The following LDLRAD1 variants were observed in gnomAD, a reference collection of about 807,000 sequenced individuals.
LDLRAD1 encodes low density lipoprotein receptor class A domain containing 1, also known as low-density lipoprotein receptor class A domain-containing protein 1.
In LDLRAD1, 17 loss-of-function variants were observed where a neutral mutation model predicts 24.8. The observed-to-expected ratio is 0.69, with a 90% confidence interval of 0.47 to 1.03. The LOEUF (loss-of-function observed/expected upper bound fraction) is 1.03, where lower values mean the gene tolerates loss of function less well. Among genes scored for constraint, LDLRAD1 ranks in the 50% least tolerant of loss-of-function variants. LDLRAD1 has a pLI of 0.00. For missense variants in LDLRAD1, 277 were observed against 271.0 expected (o/e 1.02, Z -0.16); for synonymous variants, 103 against 108.2 (o/e 0.95, Z 0.30).
rs1200969530 is a variant in LDLRAD1, at chr1:54,014,329, C to T, written c.109G>A (p.Ala37Thr). The change falls in exon 3 of 6, where the codon GCC becomes ACC. Residue 37 changes from alanine (A) to threonine (T), a missense_variant. By Grantham distance (58) the Ala-to-Thr change is moderately conservative. Transcript: ENST00000371360. ...AGCAGCAGAGAGGCAGAGAGGCAGG[C>T]CCCGCGACGTGAGCAGCAGAGGTGG... is the stretch of plus-strand genomic sequence containing the variant. ...GGHLCCSRRG[A>T]CLSASLLLLL... 3.9e-6 allele frequency: 6 copies of T among 1,549,174 alleles called. No individual in the cohort carries two copies. In the South Asian group the frequency reaches 6.0e-5, roughly 15 times the overall value.
At chr1:54,017,853 G>A (rs971665892) in intron 1 of LDLRAD1, among the ~76,000 whole-genome samples, 12 of 152,204 alleles carry the variant, frequency 7.9e-5, no homozygotes, top group African/African-American at 2.4e-4. Context: ...AGTGAGCCCC[G>A]GGGCAGGACG....
chr1:54,016,395 T>C (rs1248483627), intron 2 of LDLRAD1, among the ~76,000 whole-genome samples: 2 of 152,094 alleles, frequency 1.3e-5, no homozygotes, highest in Admixed American at 6.5e-5. Context: ...AAGCAGCTCC[T>C]CAAATATTTG....
At chr1:54,010,210 C>A in intron 5 of LDLRAD1, 72 bp downstream of exon 5, 1 of 1,565,058 alleles carries the variant, frequency 6.4e-7, no homozygotes, top group Non-Finnish European at 8.7e-7. Flanking sequence ...CCTAGAGATT[C>A]CCTGCTCACC....
Position 54,014,335 on chromosome 1 carries a change from G to C in LDLRAD1, c.103C>G (p.Arg35Gly). The change falls in exon 3 of 6, where the codon CGC becomes GGC. Residue 35 changes from arginine (R) to glycine (G), a missense_variant. Physicochemically the swap from Arg to Gly is moderately radical, Grantham distance 125 (BLOSUM62 -2). Transcript: ENST00000371360. ...AGAGAGGCAGAGAGGCAGGCCCCGC[G>C]ACGTGAGCAGCAGAGGTGGCCGCCG... is the stretch of plus-strand genomic sequence containing the variant. Reference protein sequence around the residue: ...AGGGHLCCSRRGACLSASLLL... With the variant: ...AGGGHLCCSRGGACLSASLLL... 6.5e-7 allele frequency: 1 copy of C among 1,548,444 alleles called. No individual in the cohort carries two copies. The highest frequency in any genetic ancestry group is 8.7e-7 in the Non-Finnish European group (1 of 1,146,282).
At chr1:54,016,308 C>CCAT (rs1656302185) in intron 2 of LDLRAD1, among the ~76,000 whole-genome samples, 1 of 152,102 alleles carries the variant, frequency 6.6e-6, no homozygotes, top group Admixed American at 6.6e-5. Flanking sequence ...GGCTCCTTGG[C>CCAT]CATCAGCAAA....
At chr1:54,011,562 C>G (rs1656050773) in intron 4 of LDLRAD1, among the ~76,000 whole-genome samples, 1 of 152,204 alleles carries the variant, frequency 6.6e-6, no homozygotes, top group South Asian at 2.1e-4. Flanking sequence ...CAGGCTCTCT[C>G]TCTCCTGTGG....
chr1:54,010,599 C>T (rs1656010245), intron 4 of LDLRAD1, among the ~76,000 whole-genome samples, 189 bp from the exon 5 acceptor site: 1 of 152,068 alleles, frequency 6.6e-6, no homozygotes, highest in Non-Finnish European at 1.5e-5. Flanking sequence ...AGCTCCGTTG[C>T]TGGACAGAGG....
intron 2 of LDLRAD1, among the ~76,000 whole-genome samples, chr1:54,016,468 C>T (rs1656310220): frequency 6.6e-6 from 1 of 152,172 alleles, no homozygotes; most frequent in African/African-American, 2.4e-5. Flanking sequence ...GGCTCCTGCC[C>T]AGGTGAAGCT....
At chr1:54,015,312 C>T (rs75427445) in intron 2 of LDLRAD1, among the ~76,000 whole-genome samples, 2 of 152,144 alleles carry the variant, frequency 1.3e-5, no homozygotes, top group African/African-American at 4.8e-5. Context: ...GAGCCTTATT[C>T]TAAGCACTAT....
In LDLRAD1 at chr1:54,007,834, A is replaced by G. The variant is rs1655879771; in HGVS notation, c.*1148T>C. ...GGAAAGCCTTCTGGGCTGGGGTGCCATAGGCTGTATTTGGGTTCCAGTTCC... is the reference window on the plus strand; with the variant it reads ...GGAAAGCCTTCTGGGCTGGGGTGCCGTAGGCTGTATTTGGGTTCCAGTTCC... On this transcript the variant is annotated 3_prime_UTR_variant, in exon 6 of 6. Coordinates refer to ENST00000371360, the MANE Select transcript of LDLRAD1 (RefSeq NM_001010978.4). The G allele has an allele frequency of 6.6e-6, 1 of 152,258 alleles. No homozygotes were observed. Among genetic ancestry groups the G allele is most frequent in the African/African-American group, 2.4e-5 (1 of 41,440 alleles). 9.4% of individuals were successfully genotyped at this position (152,258 alleles called of 1,614,324 possible).
Position 54,014,763 on chromosome 1 carries a change from A to G in LDLRAD1, c.74-399T>C, listed in dbSNP as rs775585216. On this transcript the variant is annotated intron_variant, in intron 2 of 5. Coordinates refer to ENST00000371360, the MANE Select transcript of LDLRAD1 (RefSeq NM_001010978.4). ...TTCAAAACAACCTTTTATTTTATCA[A>G]TGAGGAAACTAGGGCTCAGGAAGAA... Among the ~76,000 whole-genome samples the G allele has an allele frequency of 6.4e-4, 98 of 152,352 alleles. 1 individual carries two copies. Among genetic ancestry groups the G allele is most frequent in the Admixed American group, 4.5e-3 (69 of 15,312 alleles).
At position 54,017,372 on chromosome 1, in the gene LDLRAD1, T is replaced by C; in HGVS notation, c.73+4A>G. The C allele has an allele frequency of 1.3e-6, 2 of 1,598,470 alleles. No homozygotes were observed. Among genetic ancestry groups the C allele is most frequent in the Non-Finnish European group, 1.7e-6 (2 of 1,171,702 alleles). ...CACTGGCCCCAGGCCCTCCAGTTCTTTACCTTCCCCTCCAGGGTGGGCTTT... is the reference window on the plus strand; with the variant it reads ...CACTGGCCCCAGGCCCTCCAGTTCTCTACCTTCCCCTCCAGGGTGGGCTTT... On this transcript the variant is annotated splice_donor_region_variant and intron_variant, in intron 2 of 5. Coordinates refer to ENST00000371360, the MANE Select transcript of LDLRAD1 (RefSeq NM_001010978.4).
Position 54,008,868 on chromosome 1 carries a change from G to A in LDLRAD1, c.*114C>T, listed in dbSNP as rs1005414556. 2 of 957,942 alleles carry A rather than the reference G, an allele frequency of 2.1e-6. No individual in the cohort carries two copies. Among genetic ancestry groups the A allele is most frequent in the Non-Finnish European group, 1.6e-6 (1 of 628,706 alleles). The allele number at this position is 957,942 out of a possible 1,614,324, so 59.3% of individuals were successfully genotyped here. A position where few individuals can be genotyped will look rare whatever the true frequency, so the allele number is the denominator to read the frequency against. Reference sequence around the variant, plus strand: ...GAAAATTCCTATTCAGAAATGATGTGTAGATCCCATTTCAAAGGCTGCTTC... The same window carrying A: ...GAAAATTCCTATTCAGAAATGATGTATAGATCCCATTTCAAAGGCTGCTTC... On this transcript the variant is annotated 3_prime_UTR_variant, in exon 6 of 6. Coordinates refer to ENST00000371360, the MANE Select transcript of LDLRAD1 (RefSeq NM_001010978.4).
At chr1:54,014,563 G>A (rs1656217817) in intron 2 of LDLRAD1, among the ~76,000 whole-genome samples, 199 bp from the exon 3 acceptor site, 1 of 152,150 alleles carries the variant, frequency 6.6e-6, no homozygotes, top group East Asian at 1.9e-4. Flanking sequence ...CACCCCACTA[G>A]GTGCCACCCT....
At position 54,009,131 on chromosome 1, in the gene LDLRAD1, C is replaced by T. The variant is rs779443165; in HGVS notation, c.470-1G>A. On this transcript the variant is annotated splice_acceptor_variant, in intron 5 of 5. Coordinates refer to ENST00000371360, the MANE Select transcript of LDLRAD1 (RefSeq NM_001010978.4). LOFTEE classifies it high-confidence loss of function. ...GGGCCGCAGGGTGGGCACACAGTTACTGCAGAGACAAGAGCCAGCAGGAGA... is the reference window on the plus strand; with the variant it reads ...GGGCCGCAGGGTGGGCACACAGTTATTGCAGAGACAAGAGCCAGCAGGAGA... 5.6e-6 allele frequency: 9 copies of T among 1,613,542 alleles called. No homozygotes were observed. The highest frequency in any genetic ancestry group is 5.9e-6 in the Non-Finnish European group (7 of 1,179,906).
chr1:54,014,851 C>T (rs1375642467), intron 2 of LDLRAD1, among the ~76,000 whole-genome samples: 9 of 152,188 alleles, frequency 5.9e-5, no homozygotes, highest in African/African-American at 1.9e-4. Context: ...TGCCAAAACC[C>T]GTGCCCTTTC....
In LDLRAD1 at chr1:54,008,876, C is replaced by CGTATT; in HGVS notation, c.*105_*106insAATAC. On this transcript the variant is annotated 3_prime_UTR_variant, in exon 6 of 6. Transcript: ENST00000371360. ...CTATTCAGAAATGATGTGTAGATCC[C>CGTATT]ATTTCAAAGGCTGCTTCCTGCCCTT... 1 of 986,040 alleles carries CGTATT rather than the reference C, an allele frequency of 1.0e-6. No individual in the cohort carries two copies. The allele number at this position is 986,040 out of a possible 1,614,324, so 61.1% of individuals were successfully genotyped here.
At chr1:54,017,568 C>A in intron 1 of LDLRAD1, 141 bp from the exon 2 acceptor site, 5 of 700,080 alleles carry the variant, frequency 7.1e-6, no homozygotes, top group Non-Finnish European at 1.3e-5. Context: ...GCATCTCACG[C>A]CCCAGATGCA....
rs745672207 is a variant in LDLRAD1, at chr1:54,014,296, C to A, written c.142G>T (p.Ala48Ser). 1 of 1,550,834 alleles carries A rather than the reference C, an allele frequency of 6.4e-7. No individual in the cohort carries two copies. Among genetic ancestry groups the A allele is most frequent in the South Asian group, 1.2e-5 (1 of 84,008 alleles). The change falls in exon 3 of 6, where the codon GCA (alanine) becomes TCA (serine). Residue 48 changes from alanine (A) to serine (S), a missense_variant. Transcript: ENST00000371360. ...CLSASLLLLLATVAALIALVT... is the reference protein window; with the variant it reads ...CLSASLLLLLSTVAALIALVT... Reference sequence around the variant, plus strand: ...AAGGCGATGAGGGCCGCCACAGTTGCCAGGAGGAGCAGCAGAGAGGCAGAG... The same window carrying A: ...AAGGCGATGAGGGCCGCCACAGTTGACAGGAGGAGCAGCAGAGAGGCAGAG...
Sources: allele counts gnomAD v4.1 joint callset (sites outside exome capture counted in the v4.1 genomes callset), GRCh38; gene constraint gnomAD v4.1.1; transcripts MANE v1.5; gene names NCBI Gene and HGNC (gene_info 2026-07-23, HGNC 2026-07-21).